Variants in MYO7A observed in about 807,000 individuals in gnomAD.
The protein encoded by MYO7A is unconventional myosin-VIIa.
Under a neutral mutation model 263.8 loss-of-function variants are expected in MYO7A, and 210 were observed. The observed-to-expected ratio is 0.80, with a 90% CI of 0.71 to 0.89. The LOEUF is 0.89. Among genes scored for constraint, MYO7A ranks in the 40% least tolerant of loss-of-function variants. The pLI is 0.00. For missense variants in MYO7A, 2,820 were observed against 2,968.3 expected, an observed-to-expected ratio of 0.95 and a Z score of 1.16; for synonymous variants, 1,239 against 1,197.3, an observed-to-expected ratio of 1.03 and a Z score of -0.72.
chr11:77,130,613 C>A lies in MYO7A; in HGVS notation c.-22C>A. On this transcript the variant is annotated 5_prime_UTR_variant, in exon 2 of 49. Transcript: ENST00000409709. The stretch of plus-strand genomic sequence containing the variant: ...GAACTGTGCCTGGCCCAGTGGGCAG[C>A]AGGAGCTCCTGACTTGGGACCATGG... The A allele has an allele frequency of 6.2e-7, 1 of 1,612,910 alleles. No individual in the cohort carries two copies. Among genetic ancestry groups the A allele is most frequent in the Admixed American group, 1.7e-5 (1 of 59,934 alleles).
rs1555069530 is a variant in MYO7A at position 77,162,271 on chromosome 11, A to G, written c.1495A>G (p.Ile499Val). The G allele has an allele frequency of 3.9e-6, 6 of 1,554,164 alleles. No homozygotes were observed. Among genetic ancestry groups the G allele is most frequent in the African/African-American group, 2.7e-5 (2 of 73,174 alleles). Residue 499 changes from isoleucine to valine, a missense_variant, in exon 13 of 49, where the codon ATT becomes GTT. Coordinates refer to ENST00000409709, the MANE Select transcript of MYO7A (RefSeq NM_000260.4). ...TGACAACCAGGATGCCCTGGACATG[A>G]TTGCCAACAAGCCCATGAACATCAT... ...FTDNQDALDMIANKPMNIISL... is the reference protein window; with the variant it reads ...FTDNQDALDMVANKPMNIISL...
chr11:77,166,186 G>T (rs1555072459), intron 15 of MYO7A, 24 bp downstream of exon 15: 1 of 1,603,316 alleles, frequency 6.2e-7, no homozygotes, highest in Non-Finnish European at 8.5e-7. Flanking sequence ...GGTTTCTGTT[G>T]TTCGGGAAGG....
intron 17 of MYO7A, 36 bp from the exon 18 acceptor site, chr11:77,175,336 C>T: frequency 3.1e-6 from 5 of 1,595,476 alleles, no homozygotes; most frequent in Non-Finnish European, 4.3e-6. Context: ...ACTGGAGAGG[C>T]TGTCCATTCC....
Position 77,173,167 on chromosome 11 carries a change from A to G in MYO7A, c.1935+282A>G, listed in dbSNP as rs1304232440. Among the ~76,000 whole-genome samples, 4 of 152,230 alleles carry G rather than the reference A, an allele frequency of 2.6e-5. No individual in the cohort carries two copies. In the East Asian group the frequency reaches 7.7e-4, roughly 29 times the overall value. ...AAAGCAGTTTCTTCTCTTATGCCTC[A>G]GTTTCCTCATAGATGGAAACGGGAC... On this transcript the variant is annotated intron_variant, in intron 16 of 48. Coordinates refer to ENST00000409709, the MANE Select transcript of MYO7A (RefSeq NM_000260.4).
chr11:77,164,288 C>T (rs1207195554), intron 14 of MYO7A, among the ~76,000 whole-genome samples: 1 of 141,710 alleles, frequency 7.1e-6, no homozygotes, highest in African/African-American at 2.5e-5. Context: ...CACAAATTGG[C>T]ATTAGTTATG....
Position 77,213,935 on chromosome 11 carries a change from G to A in MYO7A, c.6514G>A (p.Gly2172Arg). The change falls in exon 48 of 49, where the codon GGG becomes AGG. Residue 2172 changes from glycine (G) to arginine (R), a missense_variant. Transcript: ENST00000409709. ...SGNTYFHITI[G>R]NLVRGSKLLC... is the part of the protein sequence containing the mutation. The stretch of plus-strand genomic sequence containing the variant: ...CAACACCTACTTCCACATCACCATT[G>A]GGAACTTGGTGCGCGGGAGCAAACT... 1.9e-6 allele frequency: 3 copies of A among 1,614,066 alleles called. No homozygotes were observed. The highest frequency in any genetic ancestry group is 2.5e-6 in the Non-Finnish European group (3 of 1,179,900).
intron 5 of MYO7A, among the ~76,000 whole-genome samples, chr11:77,156,398 A>C (rs1555062181): frequency 3.9e-5 from 6 of 152,206 alleles, no homozygotes; most frequent in Admixed American, 2.6e-4. Flanking sequence ...CAGAGGGCAA[A>C]AGACAAAGCA....
chr11:77,179,179 C>G (rs540722150), intron 20 of MYO7A, 50 bp downstream of exon 20: 19 of 1,507,250 alleles, frequency 1.3e-5, no homozygotes, highest in East Asian at 2.4e-5. Context: ...TTGAACCCAG[C>G]CTTGCTGCCA....
chr11:77,179,492 T>C (rs782464546), intron 20 of MYO7A, among the ~76,000 whole-genome samples: 7 of 152,198 alleles, frequency 4.6e-5, no homozygotes, highest in Non-Finnish European at 1.0e-4. Context: ...TGGTTGCAGC[T>C]CCTGATCTAG....
Position 77,184,583 on chromosome 11 carries a change from C to T in MYO7A, c.3376-5C>T, listed in dbSNP as rs1955520050. On this transcript the variant is annotated splice_region_variant and splice_polypyrimidine_tract_variant and intron_variant, in intron 26 of 48. Coordinates refer to ENST00000409709, the MANE Select transcript of MYO7A (RefSeq NM_000260.4). The stretch of plus-strand genomic sequence containing the variant: ...TACCTGCCCTGTCCTCTCCCTCTGG[C>T]CCAGGTGACCAAGAGGCTGCATGAC... 1 of 1,559,406 alleles carries T rather than the reference C, an allele frequency of 6.4e-7. No homozygotes were observed. The highest frequency in any genetic ancestry group is 8.7e-7 in the Non-Finnish European group (1 of 1,151,364).
At chr11:77,152,506 G>A (rs181800459) in intron 4 of MYO7A, among the ~76,000 whole-genome samples, 29 of 152,306 alleles carry the variant, frequency 1.9e-4, no homozygotes, top group Admixed American at 6.5e-4. Context: ...CCCACCCCAC[G>A]TCTCAAACTT....
chr11:77,182,322 C>T (rs575043172), intron 24 of MYO7A, 102 bp from the exon 25 acceptor site: 50 of 1,445,174 alleles, frequency 3.5e-5, no homozygotes, highest in South Asian at 6.8e-5. Context: ...GCTGACCATG[C>T]GGGAGGGGGT....
At chr11:77,182,329 G>T in intron 24 of MYO7A, 95 bp from the exon 25 acceptor site, 1 of 1,460,274 alleles carries the variant, frequency 6.8e-7, no homozygotes, top group South Asian at 1.4e-5. Context: ...ATGCGGGAGG[G>T]GGTGTCTCCA....
At position 77,182,916 on chromosome 11, in the gene MYO7A, G is replaced by A. The variant is rs182162661; in HGVS notation, c.3286-152G>A. 9.7e-4 allele frequency: 738 copies of A among 762,060 alleles called. 4 individuals are homozygous for A. In the African/African-American group the frequency reaches 0.011, roughly 12 times the overall value. The allele number at this position is 762,060 out of a possible 1,614,324, so 47.2% of individuals were successfully genotyped here. A position where few individuals can be genotyped will look rare whatever the true frequency, so the allele number is the denominator to read the frequency against. ...GCCAGTTGGCTAGTGGGGGTGCAAG[G>A]GTAGGGGTGAGCAGGTGGACGGTGG... On this transcript the variant is annotated intron_variant, in intron 25 of 48. Transcript: ENST00000409709.
intron 31 of MYO7A, among the ~76,000 whole-genome samples, chr11:77,193,676 G>A (rs763950770): frequency 1.1e-4 from 16 of 152,154 alleles, no homozygotes; most frequent in Non-Finnish European, 1.8e-4. Context: ...TTTCAAACTG[G>A]TTGGAAAATA....
At chr11:77,208,647 C>T in intron 43 of MYO7A, 50 bp from the exon 44 acceptor site, 1 of 1,510,532 alleles carries the variant, frequency 6.6e-7, no homozygotes, top group Non-Finnish European at 9.0e-7. Flanking sequence ...GGGACGTGAG[C>T]ACTCCTCTGT....
intron 4 of MYO7A, among the ~76,000 whole-genome samples, 176 bp from the exon 5 acceptor site, chr11:77,155,731 G>A (rs1952395892): frequency 6.6e-6 from 1 of 152,206 alleles, no homozygotes; most frequent in South Asian, 2.1e-4. Flanking sequence ...GTGCTGGACA[G>A]AAGGCCCTGC....
intron 47 of MYO7A, among the ~76,000 whole-genome samples, 152 bp from the exon 48 acceptor site, chr11:77,213,708 C>T (rs1206582871): frequency 6.6e-6 from 1 of 152,186 alleles, no homozygotes; most frequent in African/African-American, 2.4e-5. Flanking sequence ...GGGGGAGGCA[C>T]CTGCTTCCCA....
At chr11:77,201,087 C>T (rs936812818) in intron 35 of MYO7A, among the ~76,000 whole-genome samples, 3 of 152,182 alleles carry the variant, frequency 2.0e-5, no homozygotes, top group Non-Finnish European at 4.4e-5. Context: ...GAGAGCTAAG[C>T]GTGATGCCAG....
Sources: allele counts gnomAD v4.1 joint callset (sites outside exome capture counted in the v4.1 genomes callset), GRCh38; gene constraint gnomAD v4.1.1; transcripts MANE v1.5; gene names NCBI Gene and HGNC (gene_info 2026-07-23, HGNC 2026-07-21).